The following BANK1 variants were observed in gnomAD, a reference collection of about 807,000 sequenced individuals.
The protein encoded by BANK1 is B cell scaffold protein with ankyrin repeats 1.
Under a neutral mutation model 94.5 loss-of-function variants are expected in BANK1, and 95 were observed. The observed-to-expected ratio is 1.00, with a 90% CI of 0.85 to 1.19. BANK1 has a LOEUF of 1.19. Ranked by LOEUF, BANK1 falls within the 50% of genes most tolerant of loss-of-function variation. BANK1 has a pLI of 0.00. For missense variants in BANK1, 987 were observed against 932.2 expected (o/e 1.06, Z -0.77); for synonymous variants, 334 against 308.4 (o/e 1.08, Z -0.87).
At chr4:102,072,282 G>T (rs995734399) in intron 14 of BANK1, 63 bp from the exon 15 acceptor site, 2 of 1,295,340 alleles carry the variant, frequency 1.5e-6, no homozygotes, top group South Asian at 1.3e-5. Flanking sequence ...AAGAAGTACT[G>T]AATAAATAAA....
chr4:101,977,200 A>G (rs975322768), intron 7 of BANK1: 1 of 152,098 alleles, frequency 6.6e-6, no homozygotes, highest in Non-Finnish European at 1.5e-5. Flanking sequence ...GCTCATCATA[A>G]TCACTAAGGA....
intron 11 of BANK1, among the ~76,000 whole-genome samples, chr4:102,048,665 A>G (rs1727956615): frequency 6.6e-6 from 1 of 152,166 alleles, no homozygotes; most frequent in African/African-American, 2.4e-5. Flanking sequence ...AAAAGGAATT[A>G]TTATTTAACT....
intron 11 of BANK1, among the ~76,000 whole-genome samples, chr4:102,050,655 C>A (rs1193142901): frequency 6.6e-6 from 1 of 152,132 alleles, no homozygotes; most frequent in African/African-American, 2.4e-5. Flanking sequence ...AAATTTCCAA[C>A]CACTCCCTAT....
At chr4:101,799,013 GT>G (rs779264548) in intron 1 of BANK1, among the ~76,000 whole-genome samples, 36 of 152,148 alleles carry the variant, frequency 2.4e-4, no homozygotes, top group Non-Finnish European at 3.8e-4. Context: ...TGCTTTTGGT[GT>G]TTTAGTCATG....
At chr4:102,070,202 G>A (rs577140909) in intron 13 of BANK1, among the ~76,000 whole-genome samples, 1 of 152,298 alleles carries the variant, frequency 6.6e-6, no homozygotes, top group South Asian at 2.1e-4. Context: ...GCACTGTGGA[G>A]GTCAAGCTCC....
At chr4:102,059,695 C>T (rs567204735) in intron 11 of BANK1, among the ~76,000 whole-genome samples, 6 of 152,204 alleles carry the variant, frequency 3.9e-5, no homozygotes, top group African/African-American at 1.4e-4. Context: ...ACAAAATGAC[C>T]AATTATTTAT....
At chr4:102,068,565 G>A (rs1358765957) in intron 13 of BANK1, among the ~76,000 whole-genome samples, 1 of 152,132 alleles carries the variant, frequency 6.6e-6, no homozygotes, top group South Asian at 2.1e-4. Context: ...GGTGGCTCAC[G>A]CCTGTGATCC....
chr4:102,064,736 G>A (rs1025755548), intron 13 of BANK1, among the ~76,000 whole-genome samples: 2 of 152,188 alleles, frequency 1.3e-5, no homozygotes, highest in Non-Finnish European at 2.9e-5. Flanking sequence ...GCAGACAGTA[G>A]GTAGCCAAAG....
At chr4:101,877,763 T>C (rs975156487) in intron 5 of BANK1, among the ~76,000 whole-genome samples, 1 of 152,032 alleles carries the variant, frequency 6.6e-6, no homozygotes, top group African/African-American at 2.4e-5. Flanking sequence ...CGGGTGCCTG[T>C]AATCCCAGCT....
rs1287646414 is a variant in BANK1, at chr4:101,912,906, T to A, written c.1010-5087T>A. Among the ~76,000 whole-genome samples the A allele has an allele frequency of 3.9e-5, 6 of 152,308 alleles. No homozygotes were observed. The East Asian group carries it at 9.6e-4, about 24-fold the overall frequency. ...TCCAGTGCTCAAGACTAAAAGGAAT[T>A]CCTTTTAAAATGCTGAAATAGTCCT... On this transcript the variant is annotated intron_variant, in intron 6 of 16. Coordinates refer to ENST00000322953, the MANE Select transcript of BANK1 (RefSeq NM_017935.5).
chr4:101,920,065 T>C (rs941033228), intron 7 of BANK1, among the ~76,000 whole-genome samples: 2 of 151,956 alleles, frequency 1.3e-5, no homozygotes, highest in African/African-American at 4.8e-5. Flanking sequence ...TAACCATATG[T>C]TGACACTGTC....
intron 7 of BANK1, among the ~76,000 whole-genome samples, chr4:102,010,953 T>C (rs923297911): frequency 9.2e-5 from 14 of 152,210 alleles, no homozygotes; most frequent in Non-Finnish European, 1.9e-4. Flanking sequence ...AACCCAGTGT[T>C]TCAATATTAT....
chr4:101,802,559 T>C (rs1382582328), intron 1 of BANK1, among the ~76,000 whole-genome samples: 3 of 152,206 alleles, frequency 2.0e-5, no homozygotes, highest in African/African-American at 7.2e-5. Flanking sequence ...TTAGCACACA[T>C]TACATTTCTG....
intron 7 of BANK1, among the ~76,000 whole-genome samples, chr4:101,924,886 T>C (rs1293750475): frequency 6.6e-6 from 1 of 151,806 alleles, no homozygotes; most frequent in Non-Finnish European, 1.5e-5. Flanking sequence ...ACATTTTTCA[T>C]AATGTAGACA....
intron 4 of BANK1, among the ~76,000 whole-genome samples, chr4:101,869,392 T>C (rs988562984): frequency 4.0e-5 from 6 of 151,890 alleles, no homozygotes; most frequent in African/African-American, 1.4e-4. Flanking sequence ...TCTCTTACAT[T>C]CTCTATTGGA....
intron 7 of BANK1, among the ~76,000 whole-genome samples, chr4:101,940,372 T>C (rs1258831534): frequency 6.6e-6 from 1 of 151,782 alleles, no homozygotes; most frequent in Non-Finnish European, 1.5e-5. Context: ...TCCCCAAGTA[T>C]GTTTTTTCTG....
chr4:101,995,933 A>AAGTTT (rs1380927088), intron 7 of BANK1, among the ~76,000 whole-genome samples: 11 of 152,034 alleles, frequency 7.2e-5, no homozygotes, highest in Admixed American at 1.3e-4. Context: ...TGCTGTGCAG[A>AAGTTT]AGTTTAGTTT....
At chr4:101,809,489 A>G (rs1483435838) in intron 1 of BANK1, among the ~76,000 whole-genome samples, 1 of 152,084 alleles carries the variant, frequency 6.6e-6, no homozygotes, top group Non-Finnish European at 1.5e-5. Flanking sequence ...ACTGAAATAA[A>G]TATATATAAA....
intron 1 of BANK1, among the ~76,000 whole-genome samples, chr4:101,808,395 T>C (rs141176784): frequency 7.2e-5 from 11 of 152,238 alleles, no homozygotes; most frequent in African/African-American, 2.4e-4. Context: ...CAATTTCCAG[T>C]TGATAAAAGT....
Sources: gnomAD v4.1 joint callset for allele counts (sites outside exome capture counted in the v4.1 genomes callset) on GRCh38, gnomAD v4.1.1 for gene constraint, MANE v1.5 for transcripts, NCBI Gene and HGNC (gene_info 2026-07-23, HGNC 2026-07-21) for gene names.